NFIB: variants seen among roughly 807,000 people sequenced by gnomAD.
NFIB encodes nuclear factor 1 B-type.
In NFIB, 11 loss-of-function variants were observed where a neutral mutation model predicts 61.5. The ratio of observed to expected loss-of-function variants is 0.18; its 90% CI spans 0.11 to 0.30. The LOEUF (loss-of-function observed/expected upper bound fraction) is 0.30. NFIB is among the 10% of genes least tolerant of loss of function. The probability of loss-of-function intolerance (pLI) is 1.00; values close to 1 mark genes in which losing one functional copy is unlikely to be tolerated. For synonymous variants in NFIB, 260 were observed against 216.5 expected, an observed-to-expected ratio of 1.20 and a Z score of -1.76; for missense variants, 471 against 608.9, an observed-to-expected ratio of 0.77 and a Z score of 2.38.
At chr9:14,186,717 C>A (rs1052957846) in intron 2 of NFIB, among the ~76,000 whole-genome samples, 4 of 151,958 alleles carry the variant, frequency 2.6e-5, no homozygotes, top group African/African-American at 7.3e-5. Flanking sequence ...TTGGGATTTA[C>A]AGAACACTAG....
At chr9:14,454,294 G>C in the NFIB span, among the ~76,000 whole-genome samples, 1 of 152,232 alleles carries the variant, frequency 6.6e-6, no homozygotes, top group African/African-American at 2.4e-5. Flanking sequence ...TTGTGGAACA[G>C]TGAGCCTCTG....
At chr9:14,525,351 T>G in the NFIB span, among the ~76,000 whole-genome samples, 1 of 152,202 alleles carries the variant, frequency 6.6e-6, no homozygotes. Flanking sequence ...AGAAACTTTA[T>G]TTAAACTTTG....
intron 3 of NFIB, among the ~76,000 whole-genome samples, chr9:14,158,103 T>C (rs1587134701): frequency 2.3e-5 from 3 of 128,506 alleles, no homozygotes; most frequent in South Asian, 4.8e-4. Flanking sequence ...AGAACAAGAC[T>C]CCATCTCAAA....
intron 2 of NFIB, among the ~76,000 whole-genome samples, chr9:14,289,030 A>C (rs182870549): frequency 2.3e-4 from 35 of 151,426 alleles, no homozygotes; most frequent in African/African-American, 8.2e-4. Flanking sequence ...TTAATATACC[A>C]CATATATATT....
At chr9:14,512,788 T>C in the NFIB span, among the ~76,000 whole-genome samples, 1 of 152,292 alleles carries the variant, frequency 6.6e-6, no homozygotes, top group South Asian at 2.1e-4. Flanking sequence ...CCCGTCTTTC[T>C]TTTCTCTGTC....
At chr9:14,089,608 T>A (rs2033527438) in intron 10 of NFIB, among the ~76,000 whole-genome samples, 1 of 152,132 alleles carries the variant, frequency 6.6e-6, no homozygotes, top group South Asian at 2.1e-4. Context: ...AAACTGACAA[T>A]TCAGTACTCA....
At chr9:14,171,117 TCTGAC>T (rs1264639294) in intron 3 of NFIB, among the ~76,000 whole-genome samples, 1 of 152,210 alleles carries the variant, frequency 6.6e-6, no homozygotes, top group Non-Finnish European at 1.5e-5. Flanking sequence ...TCTTTCTTTC[TCTGAC>T]CTGTATATTA....
the NFIB span, among the ~76,000 whole-genome samples, chr9:14,457,262 C>T: frequency 6.6e-6 from 1 of 152,066 alleles, no homozygotes; most frequent in Non-Finnish European, 1.5e-5. Context: ...ACTGCATAGC[C>T]TTCGCACATT....
At chr9:14,375,552 G>C (rs1173167198) in intron 1 of NFIB, among the ~76,000 whole-genome samples, 4 of 152,102 alleles carry the variant, frequency 2.6e-5, no homozygotes, top group Non-Finnish European at 4.4e-5. Flanking sequence ...CAGCGACTTG[G>C]GAGGCCGAGG....
rs1168386447 is a variant in NFIB, at chr9:14,108,067, G to A, written c.1467+4932C>T. ...GAACTAGCCAAAGAGCTAAACATTT[G>A]CATAGCCATTATTTCGACTGAAACT... is the stretch of plus-strand genomic sequence containing the variant. On this transcript the variant is annotated intron_variant, in intron 10 of 10. Transcript: ENST00000380953. Among the ~76,000 whole-genome samples the A allele has an allele frequency of 2.0e-5, 3 of 152,150 alleles. No individual in the cohort carries two copies. In the East Asian group the frequency reaches 5.8e-4, roughly 29 times the overall value.
intron 10 of NFIB, among the ~76,000 whole-genome samples, chr9:14,090,568 AG>A (rs1374012316): frequency 3.9e-5 from 6 of 152,252 alleles, no homozygotes; most frequent in Admixed American, 1.3e-4. Flanking sequence ...ATCTTTATAG[AG>A]TCTGAGCATA....
intron 2 of NFIB, among the ~76,000 whole-genome samples, chr9:14,274,072 T>C (rs1923778): frequency 0.87 from 132,777 of 152,128 alleles, 58,215 homozygotes; most frequent in South Asian, 0.92. Context: ...ACTTGAAGTG[T>C]AAATGGTGAA....
intron 2 of NFIB, among the ~76,000 whole-genome samples, chr9:14,207,000 A>T (rs753803295): frequency 1.3e-5 from 2 of 152,196 alleles, no homozygotes; most frequent in Non-Finnish European, 2.9e-5. Flanking sequence ...CTTAGCAGCA[A>T]ATATCTTCTA....
chr9:14,118,517 T>C (rs895427021), intron 8 of NFIB, among the ~76,000 whole-genome samples: 1 of 152,104 alleles, frequency 6.6e-6, no homozygotes, highest in South Asian at 2.1e-4. Flanking sequence ...ACAACTTTCC[T>C]AAAACTCAGG....
intron 2 of NFIB, among the ~76,000 whole-genome samples, chr9:14,213,806 G>A (rs776082802): frequency 6.6e-6 from 1 of 152,066 alleles, no homozygotes; most frequent in Non-Finnish European, 1.5e-5. Context: ...TGAGTTTTAT[G>A]TCCCTCATCT....
At chr9:14,204,335 C>T in intron 2 of NFIB, 1 of 760,080 alleles carries the variant, frequency 1.3e-6, no homozygotes, top group South Asian at 1.5e-5. Flanking sequence ...AGTGGTCAAC[C>T]CCCTGTTTGA....
chr9:14,429,440 T>C, the NFIB span, among the ~76,000 whole-genome samples: 1 of 152,340 alleles, frequency 6.6e-6, no homozygotes, highest in Admixed American at 6.5e-5. Flanking sequence ...TGTCAGAATT[T>C]TCCTCCCTGC....
chr9:14,224,220 T>C (rs1206616940), intron 2 of NFIB, among the ~76,000 whole-genome samples: 1 of 152,240 alleles, frequency 6.6e-6, no homozygotes, highest in African/African-American at 2.4e-5. Flanking sequence ...CAGAAAATTG[T>C]GCCATCATTT....
At chr9:14,101,641 CTAAT>C (rs2035802075) in intron 10 of NFIB, among the ~76,000 whole-genome samples, 3 of 152,170 alleles carry the variant, frequency 2.0e-5, no homozygotes, top group Non-Finnish European at 1.5e-5. Flanking sequence ...TACCATGAAT[CTAAT>C]TATTTAATTT....
Sources: allele counts gnomAD v4.1 joint callset (sites outside exome capture counted in the v4.1 genomes callset), GRCh38; gene constraint gnomAD v4.1.1; transcripts MANE v1.5; gene names NCBI Gene and HGNC (gene_info 2026-07-23, HGNC 2026-07-21).